The following REDIC1 variants were observed in gnomAD, a reference collection of about 807,000 sequenced individuals.
The protein encoded by REDIC1 is HEI10 Interacting Protein 1.
the REDIC1 span, among the ~76,000 whole-genome samples, chr12:39,781,557 A>G: frequency 6.6e-6 from 1 of 152,252 alleles, no homozygotes; most frequent in Admixed American, 6.5e-5. Flanking sequence ...ATTGTCTCAC[A>G]GTTTTGAAGT....
chr12:39,682,510 T>C, the REDIC1 span: 3 of 710,902 alleles, frequency 4.2e-6, no homozygotes, highest in African/African-American at 5.4e-5. Flanking sequence ...AGGTAAATGT[T>C]AGTAGCAACT....
the REDIC1 span, among the ~76,000 whole-genome samples, chr12:39,772,874 AT>A: frequency 1.2e-4 from 1 of 8,256 alleles, no homozygotes; most frequent in Non-Finnish European, 5.2e-4. Flanking sequence ...GTAGCTCCTC[AT>A]CATCCTCATG....
chr12:39,694,944 G>C, the REDIC1 span, among the ~76,000 whole-genome samples: 1 of 152,156 alleles, frequency 6.6e-6, no homozygotes, highest in Non-Finnish European at 1.5e-5. Flanking sequence ...TCAGAGTCAT[G>C]ATGCCCCCTT....
the REDIC1 span, among the ~76,000 whole-genome samples, chr12:39,760,953 A>AAC: frequency 6.9e-5 from 7 of 101,516 alleles, no homozygotes; most frequent in Non-Finnish European, 1.2e-4. Context: ...GTCTCTACCA[A>AAC]ACACACACAC....
At chr12:39,760,283 T>A in the REDIC1 span, 2 of 1,564,960 alleles carry the variant, frequency 1.3e-6, no homozygotes, top group Non-Finnish European at 1.7e-6. Flanking sequence ...TACATGAATA[T>A]GAATATATAG....
At chr12:39,887,225 G>A in the REDIC1 span, among the ~76,000 whole-genome samples, 1 of 152,164 alleles carries the variant, frequency 6.6e-6, no homozygotes, top group Non-Finnish European at 1.5e-5. Context: ...TGCTAAATAA[G>A]TTGTCACTAG....
At chr12:39,691,403 A>G in the REDIC1 span, among the ~76,000 whole-genome samples, 2 of 152,196 alleles carry the variant, frequency 1.3e-5, no homozygotes, top group African/African-American at 2.4e-5. Context: ...AACATAATTC[A>G]TATAGTAAGC....
At chr12:39,865,214 C>T in the REDIC1 span, among the ~76,000 whole-genome samples, 1 of 152,160 alleles carries the variant, frequency 6.6e-6, no homozygotes. Context: ...ATTAATGTGA[C>T]AACATTATTG....
the REDIC1 span, among the ~76,000 whole-genome samples, chr12:39,746,775 C>T: frequency 5.3e-5 from 8 of 152,328 alleles, no homozygotes; most frequent in African/African-American, 9.6e-5. Flanking sequence ...CAGCAATATT[C>T]GCTGTTATGC....
chr12:39,713,729 G>T, the REDIC1 span, among the ~76,000 whole-genome samples: 20 of 147,074 alleles, frequency 1.4e-4, no homozygotes, highest in African/African-American at 4.8e-4. Flanking sequence ...GTATACATGC[G>T]TATATACATA....
chr12:39,822,166 G>A, the REDIC1 span, among the ~76,000 whole-genome samples: 2 of 147,952 alleles, frequency 1.4e-5, no homozygotes, highest in South Asian at 2.1e-4. Context: ...GAGAATATGC[G>A]GTGTTTGGTT....
At chr12:39,881,320 G>T in the REDIC1 span, among the ~76,000 whole-genome samples, 1 of 151,418 alleles carries the variant, frequency 6.6e-6, no homozygotes, top group Admixed American at 6.6e-5. Context: ...TATGAGTGTG[G>T]TTTATGTTAA....
the REDIC1 span, among the ~76,000 whole-genome samples, chr12:39,714,217 G>GTA: frequency 2.7e-5 from 2 of 72,828 alleles, no homozygotes; most frequent in African/African-American, 6.2e-5. Context: ...ATGCATATAC[G>GTA]TATATGCATG....
At chr12:39,628,452 A>G in the REDIC1 span, among the ~76,000 whole-genome samples, 1 of 152,136 alleles carries the variant, frequency 6.6e-6, no homozygotes, top group Non-Finnish European at 1.5e-5. Context: ...TAGAAATTTT[A>G]ATCTTTATCC....
the REDIC1 span, among the ~76,000 whole-genome samples, chr12:39,899,133 C>T: frequency 6.6e-6 from 1 of 152,050 alleles, no homozygotes; most frequent in African/African-American, 2.4e-5. Context: ...GGTTGGTAAG[C>T]TATTGATTAT....
chr12:39,905,831 A>AAAC, the REDIC1 span, among the ~76,000 whole-genome samples: 5 of 151,628 alleles, frequency 3.3e-5, no homozygotes, highest in African/African-American at 7.3e-5. Context: ...AGAAAAAAAA[A>AAAC]AAAACTACAC....
the REDIC1 span, among the ~76,000 whole-genome samples, chr12:39,694,784 G>T: frequency 8.5e-5 from 13 of 152,146 alleles, no homozygotes; most frequent in East Asian, 2.1e-3. Flanking sequence ...AAGGGAGTGT[G>T]GCAATCACCC....
the REDIC1 span, among the ~76,000 whole-genome samples, chr12:39,666,124 G>A: frequency 2.0e-5 from 3 of 152,162 alleles, no homozygotes; most frequent in African/African-American, 7.2e-5. Flanking sequence ...TGGTGAGAGA[G>A]GGCATCCCTG....
the REDIC1 span, among the ~76,000 whole-genome samples, chr12:39,689,548 A>G: frequency 1.3e-5 from 2 of 152,180 alleles, no homozygotes; most frequent in African/African-American, 2.4e-5. Flanking sequence ...CAGATAATTG[A>G]CTACATCCAA....
Sources: gnomAD v4.1 joint callset for allele counts (sites outside exome capture counted in the v4.1 genomes callset) on GRCh38, gnomAD v4.1.1 for gene constraint, MANE v1.5 for transcripts, NCBI Gene and HGNC (gene_info 2026-07-23, HGNC 2026-07-21) for gene names.